TMPRSS11B: variants seen among roughly 807,000 people sequenced by gnomAD.
TMPRSS11B encodes the protein transmembrane serine protease 11B, also known as transmembrane protease serine 11B.
In TMPRSS11B, 53 loss-of-function variants were observed where a neutral mutation model predicts 44.7. That is an observed-to-expected ratio of 1.19 (90% confidence interval 0.95 to 1.49). The LOEUF is 1.49. Among genes scored for constraint, TMPRSS11B ranks in the 40% most tolerant of loss-of-function variants. The probability of loss-of-function intolerance (pLI) is 0.00; values close to 1 mark genes in which losing one functional copy is unlikely to be tolerated. For missense variants in TMPRSS11B, 526 were observed against 494.8 expected (o/e 1.06, Z -0.60); for synonymous variants, 140 against 159.2 (o/e 0.88, Z 0.91).
chr4:68,232,923 A>G (rs544358277), intron 5 of TMPRSS11B, among the ~76,000 whole-genome samples: 22 of 141,788 alleles, frequency 1.6e-4, no homozygotes, highest in Non-Finnish European at 2.8e-4. Context: ...AATTCTCTTT[A>G]CTCTGAAATG....
intron 7 of TMPRSS11B, 108 bp from the exon 8 acceptor site, chr4:68,229,624 T>A: frequency 1.0e-6 from 1 of 985,074 alleles, no homozygotes; most frequent in Non-Finnish European, 1.5e-6. Context: ...AACAAAACTA[T>A]AAACCACTGA....
chr4:68,236,346 C>T, intron 2 of TMPRSS11B, 80 bp from the exon 3 acceptor site: 2 of 811,430 alleles, frequency 2.5e-6, no homozygotes, highest in South Asian at 3.3e-5. Context: ...TCTGCCTCAA[C>T]ATTCCACCCA....
intron 2 of TMPRSS11B, among the ~76,000 whole-genome samples, chr4:68,240,218 A>G (rs1340877794): frequency 6.8e-6 from 1 of 147,994 alleles, no homozygotes; most frequent in Non-Finnish European, 1.5e-5. Flanking sequence ...TATCCAGCTT[A>G]AGTTATTCTC....
chr4:68,227,146 T>C lies in TMPRSS11B; in HGVS notation c.*765A>G, dbSNP rs975516875. On this transcript the variant is annotated 3_prime_UTR_variant, in exon 10 of 10. Transcript: ENST00000332644. ...TGCATGATTTTGTGAGGTACATGAATCATTTCACATATAAGTTAAAAAGTA... is the reference window on the plus strand; with the variant it reads ...TGCATGATTTTGTGAGGTACATGAACCATTTCACATATAAGTTAAAAAGTA... The C allele has an allele frequency of 1.3e-5, 2 of 152,212 alleles. No homozygotes were observed. Among genetic ancestry groups the C allele is most frequent in the African/African-American group, 4.8e-5 (2 of 41,470 alleles). The allele number at this position is 152,212 out of a possible 1,614,324, so 9.4% of individuals were successfully genotyped here.
At chr4:68,234,326 T>G in intron 5 of TMPRSS11B, 137 bp downstream of exon 5, 1 of 786,400 alleles carries the variant, frequency 1.3e-6, no homozygotes, top group Non-Finnish European at 2.0e-6. Flanking sequence ...ACCAAGTCAT[T>G]GCTAGGGGTG....
chr4:68,231,976 T>C (rs10017863), intron 6 of TMPRSS11B: 2,417 of 159,354 alleles, frequency 0.015, 50 homozygotes, highest in African/African-American at 0.054. Context: ...ACATCCCACC[T>C]CTAAAGCAAA....
Position 68,234,876 on chromosome 4 carries a change from G to A in TMPRSS11B, c.309-253C>T, listed in dbSNP as rs1719619439. On this transcript the variant is annotated intron_variant, in intron 4 of 9. Coordinates refer to ENST00000332644, the MANE Select transcript of TMPRSS11B (RefSeq NM_182502.3). ...AATCAGAATATTTCAAACACTATGG[G>A]AAATGGAATACTGGCCAAGAAATGA... Among the ~76,000 whole-genome samples, 2 of 152,116 alleles carry A rather than the reference G, an allele frequency of 1.3e-5. 1 individual carries two copies. Among genetic ancestry groups the A allele is most frequent in the South Asian group, 4.1e-4 (2 of 4,824 alleles).
chr4:68,241,619 TG>T lies in TMPRSS11B; in HGVS notation c.124+69del, dbSNP rs1280617552. 3.6e-5 allele frequency: 34 copies of T among 935,776 alleles called. 1 individual carries two copies. The highest frequency in any genetic ancestry group is 1.0e-4 in the African/African-American group (6 of 60,056). 58.0% of individuals were successfully genotyped at this position (935,776 alleles called of 1,614,324 possible). A position where few individuals can be genotyped will look rare whatever the true frequency, so the allele number is the denominator to read the frequency against. ...CCAAGAAGAAATTTAATGTTCATGT[TG>T]TTTTTTTTCAATTTTTAAAATTTAA... On this transcript the variant is annotated intron_variant, in intron 2 of 9. Coordinates refer to ENST00000332644, the MANE Select transcript of TMPRSS11B (RefSeq NM_182502.3).
Position 68,242,266 on chromosome 4 carries a change from A to ATTATAATAT in TMPRSS11B, c.9-463_9-462insATATTATAA, listed in dbSNP as rs1231771684. 4.5e-3 allele frequency among the ~76,000 whole-genome samples: 140 copies of ATTATAATAT among 31,352 alleles called. 2 individuals carry two copies. The highest frequency in any genetic ancestry group is 0.021 in the African/African-American group (137 of 6,384). 20.6% of individuals were successfully genotyped at this position (31,352 alleles called of 152,430 possible). On this transcript the variant is annotated intron_variant, in intron 1 of 9. Coordinates refer to ENST00000332644, the MANE Select transcript of TMPRSS11B (RefSeq NM_182502.3). ...ATATTATATATATTATAATATATAT[A>ATTATAATAT]ATATAATATTATATATATTATATTA... is the stretch of plus-strand genomic sequence containing the variant.
chr4:68,229,230 C>T, intron 8 of TMPRSS11B, 27 bp downstream of exon 8: 1 of 1,552,782 alleles, frequency 6.4e-7, no homozygotes, highest in Non-Finnish European at 8.7e-7. Context: ...TCCCATGCAG[C>T]TATTATGATT....
chr4:68,227,964 A>G lies in TMPRSS11B; in HGVS notation c.1198T>C (p.Tyr400His). The G allele has an allele frequency of 1.2e-6, 2 of 1,613,662 alleles. No homozygotes were observed. The highest frequency in any genetic ancestry group is 1.7e-6 in the Non-Finnish European group (2 of 1,179,902). ...TTGCGATAAGAAGTCACTCGAGTAT[A>G]GACACCTGGCTTATTCTTTTTACCA... ...GCGKKNKPGVYTRVTSYRNWI... is the reference protein window; with the variant it reads ...GCGKKNKPGVHTRVTSYRNWI... The change falls in exon 10 of 10, where the codon TAT becomes CAT. Residue 400 changes from tyrosine (Y) to histidine (H), a missense_variant. Physicochemically the swap from Tyr to His is moderately conservative, Grantham distance 83. Coordinates refer to ENST00000332644, the MANE Select transcript of TMPRSS11B (RefSeq NM_182502.3).
chr4:68,242,367 TATA>T (rs1172780824), intron 1 of TMPRSS11B, among the ~76,000 whole-genome samples: 2 of 60,940 alleles, frequency 3.3e-5, no homozygotes, highest in Non-Finnish European at 6.2e-5. Context: ...TTATATTATA[TATA>T]ATATTATATA....
In TMPRSS11B at chr4:68,234,387, C is replaced by A. The variant is rs186271894; in HGVS notation, c.469+76G>T. 13 of 1,480,792 alleles carry A rather than the reference C, an allele frequency of 8.8e-6. No homozygotes were observed. In the Admixed American group the frequency reaches 2.3e-4, roughly 27 times the overall value. The allele number at this position is 1,480,792 out of a possible 1,614,324, so 91.7% of individuals were successfully genotyped here. A position where few individuals can be genotyped will look rare whatever the true frequency, so the allele number is the denominator to read the frequency against. On this transcript the variant is annotated intron_variant, in intron 5 of 9. Transcript: ENST00000332644. The stretch of plus-strand genomic sequence containing the variant: ...TCCCGAATTACTAAAACTCTTAGTT[C>A]ACTTTTTAGTACTTTTTAAAAAAAT...
chr4:68,245,021 C>T (rs1474288859), intron 1 of TMPRSS11B, among the ~76,000 whole-genome samples: 1 of 152,060 alleles, frequency 6.6e-6, no homozygotes. Flanking sequence ...TTCACTTTCT[C>T]CTGGAACTTT....
chr4:68,228,666 A>C (rs1014693361), intron 9 of TMPRSS11B, 76 bp downstream of exon 9: 3 of 1,501,328 alleles, frequency 2.0e-6, no homozygotes, highest in Admixed American at 2.3e-5. Context: ...TATTAACACA[A>C]AAAAAATTTT....
intron 2 of TMPRSS11B, among the ~76,000 whole-genome samples, chr4:68,241,220 A>G (rs1719811735): frequency 6.6e-6 from 1 of 152,192 alleles, no homozygotes; most frequent in Non-Finnish European, 1.5e-5. Flanking sequence ...TTTTAAAAAT[A>G]AAACCATGTT....
intron 7 of TMPRSS11B, among the ~76,000 whole-genome samples, chr4:68,230,633 G>A (rs142622955): frequency 7.4e-4 from 113 of 152,042 alleles, no homozygotes; most frequent in African/African-American, 2.5e-3. Flanking sequence ...GTAAAACCCC[G>A]TCTCTACTAA....
chr4:68,244,483 G>A (rs959266999), intron 1 of TMPRSS11B, among the ~76,000 whole-genome samples: 1 of 152,138 alleles, frequency 6.6e-6, no homozygotes, highest in Non-Finnish European at 1.5e-5. Flanking sequence ...AAAATCAGCC[G>A]GGTGTGGTGG....
chr4:68,233,358 G>C (rs1451403469), intron 5 of TMPRSS11B, among the ~76,000 whole-genome samples: 1 of 152,274 alleles, frequency 6.6e-6, no homozygotes, highest in East Asian at 1.9e-4. Flanking sequence ...TAATTGTCTG[G>C]CTGGAAGAAC....
Sources: gnomAD v4.1 joint callset for allele counts (sites outside exome capture counted in the v4.1 genomes callset) on GRCh38, gnomAD v4.1.1 for gene constraint, MANE v1.5 for transcripts, NCBI Gene and HGNC (gene_info 2026-07-23, HGNC 2026-07-21) for gene names.